SLIT3: variants seen among roughly 807,000 people sequenced by gnomAD.
The protein encoded by SLIT3 is slit homolog 3 protein.
A neutral mutation model predicts 184.0 loss-of-function variants in SLIT3; 68 were observed. The ratio of observed to expected loss-of-function variants is 0.37; its 90% CI spans 0.30 to 0.45. The LOEUF is 0.45. SLIT3 is among the 20% of genes least tolerant of loss of function. The pLI, the probability that SLIT3 is intolerant of heterozygous loss-of-function variation, is 1.00. For missense variants in SLIT3, 1,707 were observed against 2,026.0 expected, an observed-to-expected ratio of 0.84 and a Z score of 3.02; for synonymous variants, 831 against 828.6, an observed-to-expected ratio of 1.00 and a Z score of -0.05.
At chr5:168,886,251 C>T (rs906361353) in intron 4 of SLIT3, among the ~76,000 whole-genome samples, 2 of 152,198 alleles carry the variant, frequency 1.3e-5, no homozygotes, top group African/African-American at 4.8e-5. Context: ...TCATAAATAC[C>T]TCCAGTGGGC....
intron 12 of SLIT3, among the ~76,000 whole-genome samples, chr5:168,779,341 TCCA>T (rs1297640898): frequency 6.6e-6 from 1 of 152,096 alleles, no homozygotes; most frequent in Non-Finnish European, 1.5e-5. Context: ...TTGTAGCCAC[TCCA>T]TCAACGCAGC....
chr5:168,698,894 TCAA>T (rs1391459140), intron 27 of SLIT3, among the ~76,000 whole-genome samples: 3 of 152,218 alleles, frequency 2.0e-5, no homozygotes, highest in Non-Finnish European at 4.4e-5. Context: ...CTGAAACTCT[TCAA>T]CAACTTAAGA....
chr5:169,127,251 T>C (rs17070834), intron 4 of SLIT3, among the ~76,000 whole-genome samples: 32,731 of 152,168 alleles, frequency 0.22, 3,835 homozygotes, highest in Middle Eastern at 0.3. Flanking sequence ...ATGCAGAGAA[T>C]GGTAAAATAG....
At chr5:168,692,745 G>C in intron 28 of SLIT3, 45 bp from the exon 29 acceptor site, 1 of 1,420,254 alleles carries the variant, frequency 7.0e-7, no homozygotes, top group Non-Finnish European at 9.9e-7. Context: ...GCAGGGTAGG[G>C]ATGCCCTGGC....
chr5:169,240,205 AG>A (rs1765347577), intron 3 of SLIT3, among the ~76,000 whole-genome samples: 1 of 152,032 alleles, frequency 6.6e-6, no homozygotes, highest in Non-Finnish European at 1.5e-5. Flanking sequence ...GCCCTTGAAA[AG>A]ATGTCTATTC....
At chr5:168,877,759 T>C (rs1759787575) in intron 5 of SLIT3, among the ~76,000 whole-genome samples, 1 of 152,196 alleles carries the variant, frequency 6.6e-6, no homozygotes, top group African/African-American at 2.4e-5. Context: ...ACAGGGGTTA[T>C]TGATTTTCCC....
chr5:168,862,798 C>A (rs896082952), intron 5 of SLIT3, among the ~76,000 whole-genome samples: 2 of 152,126 alleles, frequency 1.3e-5, no homozygotes, highest in African/African-American at 4.8e-5. Flanking sequence ...CTTCAGCTTC[C>A]CGAGTAGCTG....
At chr5:168,868,472 G>A (rs962013313) in intron 5 of SLIT3, among the ~76,000 whole-genome samples, 5 of 152,076 alleles carry the variant, frequency 3.3e-5, no homozygotes, top group Admixed American at 6.5e-5. Context: ...TGGCTTGGCC[G>A]GGCGCAGCGG....
intron 14 of SLIT3, among the ~76,000 whole-genome samples, chr5:168,765,446 G>C (rs1312010925): frequency 6.6e-6 from 1 of 152,070 alleles, no homozygotes; most frequent in Non-Finnish European, 1.5e-5. Flanking sequence ...ATACGAGTGG[G>C]AGCCAGAAAT....
chr5:169,216,637 C>A (rs182222109), intron 3 of SLIT3, among the ~76,000 whole-genome samples: 1 of 152,304 alleles, frequency 6.6e-6, no homozygotes, highest in East Asian at 1.9e-4. Context: ...AAGGGCCACT[C>A]TTTGCCCTGA....
intron 4 of SLIT3, among the ~76,000 whole-genome samples, chr5:168,892,318 A>G (rs538999052): frequency 3.9e-5 from 6 of 152,300 alleles, no homozygotes; most frequent in Admixed American, 6.5e-5. Flanking sequence ...ACACACCTCA[A>G]TCTGGACTGG....
chr5:169,055,829 C>T (rs757302658), intron 4 of SLIT3, among the ~76,000 whole-genome samples: 41 of 128,922 alleles, frequency 3.2e-4, no homozygotes, highest in African/African-American at 1.2e-3. Flanking sequence ...AACTCTGTCT[C>T]GGAGGAAAAA....
chr5:169,154,929 A>G (rs1762251083), intron 4 of SLIT3, among the ~76,000 whole-genome samples: 1 of 152,222 alleles, frequency 6.6e-6, no homozygotes, highest in African/African-American at 2.4e-5. Context: ...ATCTCAGACC[A>G]AGCCATCTTT....
intron 4 of SLIT3, among the ~76,000 whole-genome samples, chr5:168,900,931 A>G (rs547544596): frequency 6.6e-6 from 1 of 152,336 alleles, no homozygotes; most frequent in Admixed American, 6.5e-5. Context: ...ATAGAGGAGA[A>G]TGACAATGGA....
chr5:169,187,282 T>G (rs2113456320), intron 4 of SLIT3, among the ~76,000 whole-genome samples: 1 of 151,968 alleles, frequency 6.6e-6, no homozygotes, highest in Non-Finnish European at 1.5e-5. Flanking sequence ...CCTGCTAATT[T>G]TTGTGTTTTT....
chr5:168,838,885 A>G (rs1192175756), intron 6 of SLIT3, among the ~76,000 whole-genome samples: 2 of 152,014 alleles, frequency 1.3e-5, no homozygotes, highest in African/African-American at 4.8e-5. Flanking sequence ...TAACTCTTCA[A>G]TCTCTCCTCT....
At chr5:168,798,278 C>T (rs1189716139) in intron 9 of SLIT3, among the ~76,000 whole-genome samples, 6 of 141,500 alleles carry the variant, frequency 4.2e-5, no homozygotes, top group Non-Finnish European at 9.0e-5. Flanking sequence ...GGCTAGAGTG[C>T]AGTGGTGTGA....
intron 4 of SLIT3, chr5:169,022,311 A>C (rs960738919): frequency 1.4e-4 from 21 of 152,186 alleles, no homozygotes; most frequent in African/African-American, 5.1e-4. Context: ...TTCATTGGAC[A>C]CCAAGGTGGA....
intron 35 of SLIT3, 50 bp downstream of exon 35, chr5:168,669,733 G>T: frequency 6.8e-7 from 1 of 1,474,920 alleles, no homozygotes; most frequent in Non-Finnish European, 9.5e-7. Context: ...TGGATGTGAA[G>T]TCCAACTCTG....
Sources: gnomAD v4.1 joint callset for allele counts (sites outside exome capture counted in the v4.1 genomes callset) on GRCh38, gnomAD v4.1.1 for gene constraint, MANE v1.5 for transcripts, NCBI Gene and HGNC (gene_info 2026-07-23, HGNC 2026-07-21) for gene names.